Variants in TBL3 observed in about 807,000 individuals in gnomAD.
TBL3 encodes transducin beta-like protein 3.
Under a neutral mutation model 102.7 loss-of-function variants are expected in TBL3, and 71 were observed. The observed-to-expected ratio is 0.69, with a 90% CI of 0.57 to 0.84. The LOEUF (loss-of-function observed/expected upper bound fraction) is 0.84, where lower values mean the gene tolerates loss of function less well. TBL3 is among the 40% of genes least tolerant of loss of function. The pLI is 0.00. For synonymous variants in TBL3, 578 were observed against 477.7 expected (o/e 1.21, Z -2.74); for missense variants, 1,188 against 1,098.5 (o/e 1.08, Z -1.15).
rs758469514 is a variant in TBL3, at chr16:1,976,280, C to G, written c.1258C>G (p.His420Asp). 5.6e-6 allele frequency: 9 copies of G among 1,613,854 alleles called. No individual in the cohort carries two copies. In the South Asian group the frequency reaches 9.9e-5, roughly 18 times the overall value. ...GATGTGCGTGGCTCAGGGTTCCGGT[C>G]ACACACACAGTGTGGGCACCGTCTG... ...QVMCVAQGSGHTHSVGTVCCS... is the reference protein window; with the variant it reads ...QVMCVAQGSGDTHSVGTVCCS... Residue 420 changes from histidine to aspartate, a missense_variant, in exon 13 of 22, where the codon CAC (histidine) becomes GAC (aspartate). His to Asp is a moderately conservative substitution (Grantham distance 81, BLOSUM62 -1). Coordinates refer to ENST00000568546, the MANE Select transcript of TBL3 (RefSeq NM_006453.3).
chr16:1,974,838 G>A lies in TBL3; in HGVS notation c.455G>A (p.Gly152Asp). Residue 152 changes from glycine to aspartate, a missense_variant, in exon 6 of 22, where the codon GGT becomes GAT. Gly to Asp is a moderately conservative substitution (Grantham distance 94). Coordinates refer to ENST00000568546, the MANE Select transcript of TBL3 (RefSeq NM_006453.3). ...YGTHHFRGSP[G>D]VVHLVAFHPD... ...ACACACCACTTCCGAGGCTCGCCCG[G>A]TGTCGTGCAGTGAGTTGGAAGGTGG... is the stretch of plus-strand genomic sequence containing the variant. 3 of 1,613,246 alleles carry A rather than the reference G, an allele frequency of 1.9e-6. No homozygotes were observed. The highest frequency in any genetic ancestry group is 8.5e-7 in the Non-Finnish European group (1 of 1,179,974).
Position 1,979,452 on chromosome 16 carries a change from G to C in TBL3, c.*767G>C. On this transcript the variant is annotated 3_prime_UTR_variant, in exon 22 of 22. Coordinates refer to ENST00000568546, the MANE Select transcript of TBL3 (RefSeq NM_006453.3). Reference sequence around the variant, plus strand: ...GCATAGCCACCAGCCGCGGTCTGACGTTTCCAACACGCGCACGCGCGCCCC... The same window carrying C: ...GCATAGCCACCAGCCGCGGTCTGACCTTTCCAACACGCGCACGCGCGCCCC... 2 of 1,611,180 alleles carry C rather than the reference G, an allele frequency of 1.2e-6. No homozygotes were observed. Among genetic ancestry groups the C allele is most frequent in the East Asian group, 2.2e-5 (1 of 44,832 alleles).
intron 1 of TBL3, among the ~76,000 whole-genome samples, chr16:1,973,290 G>A (rs569915434): frequency 2.6e-5 from 4 of 152,048 alleles, no homozygotes; most frequent in South Asian, 4.1e-4. Flanking sequence ...TTAGCTGGGC[G>A]CAGTGGCGGG....
rs547715059 is a variant in TBL3, at chr16:1,980,834, G to A, written c.*2149G>A. On this transcript the variant is annotated 3_prime_UTR_variant, in exon 22 of 22. Transcript: ENST00000568546. ...GGCAGGGGCTGGGAGCTTCAGCAGG[G>A]ACGAAGGGCCTCCAGTGGGAGTCAC... 8.0e-5 allele frequency: 118 copies of A among 1,467,476 alleles called. 3 individuals are homozygous for A. The South Asian group carries it at 1.3e-3, about 17-fold the overall frequency. The allele number at this position is 1,467,476 out of a possible 1,614,324, so 90.9% of individuals were successfully genotyped here.
At position 1,981,804 on chromosome 16, in the gene TBL3, C is replaced by G. The variant is rs1242530954; in HGVS notation, c.*3119C>G. The G allele has an allele frequency of 1.3e-5, 2 of 153,320 alleles. No homozygotes were observed. The highest frequency in any genetic ancestry group is 4.8e-5 in the African/African-American group (2 of 41,440). The allele number at this position is 153,320 out of a possible 1,614,324, so 9.5% of individuals were successfully genotyped here. A position where few individuals can be genotyped will look rare whatever the true frequency, so the allele number is the denominator to read the frequency against. ...AAATGCGTAATTATTGTGAGCTGTT[C>G]TATACATGCTGGGGGAGGGGCAGAC... is the stretch of plus-strand genomic sequence containing the variant. On this transcript the variant is annotated 3_prime_UTR_variant, in exon 22 of 22. Coordinates refer to ENST00000568546, the MANE Select transcript of TBL3 (RefSeq NM_006453.3).
rs2083395500 is a variant in TBL3, at chr16:1,975,704, G to A, written c.981G>A (p.Gln327=). The change falls in exon 10 of 22, where the codon CAG becomes CAA. Residue 327 remains glutamine (Q), a synonymous_variant. Transcript: ENST00000568546. ...LLYEARSLRL[Q]KQFAGYSEEV... ...ACGAGGCTCGCTCCCTGCGGCTGCAGAAACAGGTGCACACCTGCCCTTGCT... is the reference window on the plus strand; with the variant it reads ...ACGAGGCTCGCTCCCTGCGGCTGCAAAAACAGGTGCACACCTGCCCTTGCT... 1 of 1,612,114 alleles carries A rather than the reference G, an allele frequency of 6.2e-7. No homozygotes were observed. The highest frequency in any genetic ancestry group is 8.5e-7 in the Non-Finnish European group (1 of 1,179,568).
In TBL3 at chr16:1,975,225, A is replaced by G; in HGVS notation, c.674A>G (p.Gln225Arg). The change falls in exon 8 of 22, where the codon CAG becomes CGG. Residue 225 changes from glutamine (Q) to arginine (R), a missense_variant. Transcript: ENST00000568546. ...AAGATATGTATCATCTGGGACCTTCAGAGCTGCCAGGCCACGAGGACCGTG... is the reference window on the plus strand; with the variant it reads ...AAGATATGTATCATCTGGGACCTTCGGAGCTGCCAGGCCACGAGGACCGTG... The part of the protein sequence containing the change: ...RDKICIIWDL[Q>R]SCQATRTVPV... 1 of 1,613,908 alleles carries G rather than the reference A, an allele frequency of 6.2e-7. No individual in the cohort carries two copies. Among genetic ancestry groups the G allele is most frequent in the African/African-American group, 1.3e-5 (1 of 75,026 alleles).
At chr16:1,978,526 CCT>C (rs761090594) in intron 21 of TBL3, 24 bp from the exon 22 acceptor site, 9 of 1,593,974 alleles carry the variant, frequency 5.6e-6, no homozygotes, top group Non-Finnish European at 7.7e-6. Context: ...GGACCACCCC[CCT>C]GACCTCCCTC....
intron 20 of TBL3, 35 bp from the exon 21 acceptor site, chr16:1,978,278 G>C: frequency 6.2e-7 from 1 of 1,611,538 alleles, no homozygotes; most frequent in Non-Finnish European, 8.5e-7. Context: ...TGGCAGATTG[G>C]CTGGGCAAGA....
rs763893361 is a variant in TBL3, at chr16:1,974,417, C to T, written c.231C>T (p.Asp77=). The change falls in exon 4 of 22, where the codon GAC becomes GAT. Residue 77 remains aspartate (D), a synonymous_variant. Coordinates refer to ENST00000568546, the MANE Select transcript of TBL3 (RefSeq NM_006453.3). ...TCACTGCCTTTGACCTCAGCCCTGA[C>T]AACGAGGTATGTGGGGCGGGGCCTG... ...EDITAFDLSP[D]NEVLVTASRA... is the part of the protein sequence containing the mutation. The T allele has an allele frequency of 1.2e-6, 2 of 1,609,756 alleles. No individual in the cohort carries two copies. Among genetic ancestry groups the T allele is most frequent in the Admixed American group, 3.4e-5 (2 of 59,538 alleles).
intron 20 of TBL3, 46 bp downstream of exon 20, chr16:1,978,266 C>T: frequency 1.2e-6 from 2 of 1,612,050 alleles, no homozygotes; most frequent in Non-Finnish European, 1.7e-6. Context: ...AAGGGCCAGT[C>T]ATGGCAGATT....
Position 1,974,983 on chromosome 16 carries a change from G to A in TBL3, c.520G>A (p.Asp174Asn). Residue 174 changes from aspartate (D) to asparagine (N), a missense_variant, in exon 7 of 22, where the codon GAT (aspartate) becomes AAT (asparagine). Physicochemically the swap from Asp to Asn is conservative, Grantham distance 23 (BLOSUM62 1). Coordinates refer to ENST00000568546, the MANE Select transcript of TBL3 (RefSeq NM_006453.3). ...TRLLLFSSAT[D>N]AAIRVWSLQD... ...CCTGCTGCTCTTCTCCTCGGCCACG[G>A]ATGCCGCCATCCGCGTGTGGTCACT... 1 of 1,608,578 alleles carries A rather than the reference G, an allele frequency of 6.2e-7. No homozygotes were observed. Among genetic ancestry groups the A allele is most frequent in the Admixed American group, 1.7e-5 (1 of 60,030 alleles).
chr16:1,976,402 C>T, intron 13 of TBL3, 88 bp downstream of exon 13: 1 of 1,199,724 alleles, frequency 8.3e-7, no homozygotes, highest in Non-Finnish European at 1.2e-6. Context: ...GCTGGGGAGG[C>T]AGTGGCAGCT....
At position 1,981,665 on chromosome 16, in the gene TBL3, G is replaced by A. The variant is rs2083512975; in HGVS notation, c.*2980G>A. 1 of 175,066 alleles carries A rather than the reference G, an allele frequency of 5.7e-6. No homozygotes were observed. Among genetic ancestry groups the A allele is most frequent in the African/African-American group, 2.4e-5 (1 of 42,064 alleles). The allele number at this position is 175,066 out of a possible 1,614,324, so 10.8% of individuals were successfully genotyped here. On this transcript the variant is annotated 3_prime_UTR_variant, in exon 22 of 22. Coordinates refer to ENST00000568546, the MANE Select transcript of TBL3 (RefSeq NM_006453.3). Reference sequence around the variant, plus strand: ...ACTTTGAACTGGCCTGGGGATTTCTGTGCAGAACCAAGGACTCAGTGCTTA... The same window carrying A: ...ACTTTGAACTGGCCTGGGGATTTCTATGCAGAACCAAGGACTCAGTGCTTA...
chr16:1,977,344 C>A lies in TBL3; in HGVS notation c.1672-12C>A. On this transcript the variant is annotated splice_polypyrimidine_tract_variant and intron_variant, in intron 15 of 21. Transcript: ENST00000568546. Reference sequence around the variant, plus strand: ...CCTGGTGACATCTCATGCCCTACCCCCCACCTTGCAGACATTTGAGGGGCA... The same window carrying A: ...CCTGGTGACATCTCATGCCCTACCCACCACCTTGCAGACATTTGAGGGGCA... 1 of 1,613,518 alleles carries A rather than the reference C, an allele frequency of 6.2e-7. No homozygotes were observed. The highest frequency in any genetic ancestry group is 8.5e-7 in the Non-Finnish European group (1 of 1,180,004).
At position 1,974,612 on chromosome 16, in the gene TBL3, G is replaced by C. The variant is rs1457945976; in HGVS notation, c.312G>C (p.Trp104Cys). Residue 104 changes from tryptophan (W) to cysteine (C), a missense_variant, in exon 5 of 22, where the codon TGG becomes TGC. Trp to Cys is a radical substitution (Grantham distance 215, BLOSUM62 -2). Transcript: ENST00000568546. ...AAGAGGGCAGCGTTACCCGCCTGTG[G>C]AAGGCGATACACACGGCCCCCGTGG... ...AWQEGSVTRL[W>C]KAIHTAPVAT... 2 of 1,611,702 alleles carry C rather than the reference G, an allele frequency of 1.2e-6. No individual in the cohort carries two copies. Among genetic ancestry groups the C allele is most frequent in the Admixed American group, 3.3e-5 (2 of 59,950 alleles).
In TBL3 at chr16:1,974,748, C is replaced by T. The variant is rs1041647236; in HGVS notation, c.380-15C>T. On this transcript the variant is annotated splice_polypyrimidine_tract_variant and intron_variant, in intron 5 of 21. Coordinates refer to ENST00000568546, the MANE Select transcript of TBL3 (RefSeq NM_006453.3). Reference sequence around the variant, plus strand: ...GGCTTTGGGCATTCCACCCCCTCACCTTGCTTCCCCGCAGGTGGCTGTGAT... The same window carrying T: ...GGCTTTGGGCATTCCACCCCCTCACTTTGCTTCCCCGCAGGTGGCTGTGAT... 1.2e-6 allele frequency: 2 copies of T among 1,612,264 alleles called. No individual in the cohort carries two copies. The highest frequency in any genetic ancestry group is 1.7e-6 in the Non-Finnish European group (2 of 1,179,968).
rs372679492 is a variant in TBL3 at position 1,974,376 on chromosome 16, G to A, written c.190G>A (p.Glu64Lys). The A allele has an allele frequency of 3.7e-5, 60 of 1,609,606 alleles. No individual in the cohort carries two copies. In the East Asian group the frequency reaches 7.8e-4, roughly 21 times the overall value. The change falls in exon 4 of 22, where the codon GAG becomes AAG. Residue 64 changes from glutamate (E) to lysine (K), a missense_variant and splice_region_variant. Coordinates refer to ENST00000568546, the MANE Select transcript of TBL3 (RefSeq NM_006453.3). ...CTCGGCACACCACTCTTTCTCCTAG[G>A]AGGACCAGGAGGACATCACTGCCTT... ...SGAVLRSLEQEDQEDITAFDL... is the reference protein window; with the variant it reads ...SGAVLRSLEQKDQEDITAFDL...
rs772134460 is a variant in TBL3 at position 1,974,947 on chromosome 16, G to A, written c.484G>A (p.Asp162Asn). 3.7e-6 allele frequency: 6 copies of A among 1,610,552 alleles called. No individual in the cohort carries two copies. Among genetic ancestry groups the A allele is most frequent in the Non-Finnish European group, 5.1e-6 (6 of 1,179,910 alleles). ...CCACAGCCTAGTGGCCTTCCACCCG[G>A]ACCCTACACGCCTGCTGCTCTTCTC... ...GVVHLVAFHP[D>N]PTRLLLFSSA... The change falls in exon 7 of 22, where the codon GAC (aspartate) becomes AAC (asparagine). Residue 162 changes from aspartate (D) to asparagine (N), a missense_variant. Asp to Asn is a conservative substitution (Grantham distance 23). Transcript: ENST00000568546.
Sources: gnomAD v4.1 joint callset for allele counts (sites outside exome capture counted in the v4.1 genomes callset) on GRCh38, gnomAD v4.1.1 for gene constraint, MANE v1.5 for transcripts, NCBI Gene and HGNC (gene_info 2026-07-23, HGNC 2026-07-21) for gene names.